KCTD19: variants seen among roughly 807,000 people sequenced by gnomAD.
KCTD19 encodes BTB/POZ domain-containing protein KCTD19.
KCTD19 carries 67 observed loss-of-function variants against 103.5 expected under a neutral mutation model. The ratio of observed to expected loss-of-function variants is 0.65; its 90% CI spans 0.53 to 0.79. The LOEUF is 0.79. KCTD19 is among the 30% of genes least tolerant of loss of function. KCTD19 has a pLI of 0.00. For missense variants in KCTD19, 980 were observed against 1,136.1 expected (o/e 0.86, Z 1.98); for synonymous variants, 439 against 452.2 (o/e 0.97, Z 0.37).
At chr16:67,291,015 G>A in intron 14 of KCTD19, 29 bp from the exon 15 acceptor site, 1 of 1,606,284 alleles carries the variant, frequency 6.2e-7, no homozygotes, top group African/African-American at 1.3e-5. Flanking sequence ...GTCAGGCAGT[G>A]CTAGGGCAGC....
Position 67,294,049 on chromosome 16 carries a change from G to A in KCTD19, c.1713C>T (p.Ile571=). The A allele has an allele frequency of 6.2e-7, 1 of 1,614,194 alleles. No homozygotes were observed. The highest frequency in any genetic ancestry group is 8.5e-7 in the Non-Finnish European group (1 of 1,180,040). The change falls in exon 12 of 16, where the codon ATC becomes ATT. Residue 571 remains isoleucine (I), a synonymous_variant. Transcript: ENST00000304372. The stretch of plus-strand genomic sequence containing the variant: ...TGGCATTTCGGCATAGGGACACCTG[G>A]ATGGGCCGAGTGTACTGCTCAGCCT... The part of the protein sequence containing the change: ...MDEAEQYTRP[I]QVSLCRNAKR...
chr16:67,315,612 G>GCTGGGATTA (rs1212297591), intron 2 of KCTD19, among the ~76,000 whole-genome samples: 1 of 152,290 alleles, frequency 6.6e-6, no homozygotes, highest in Admixed American at 6.5e-5. Flanking sequence ...CTCCCAAGTA[G>GCTGGGATTA]CTGGGATTAT....
rs1277841608 is a variant in KCTD19 at position 67,303,739 on chromosome 16, G to A, written c.452-402C>T. The stretch of plus-strand genomic sequence containing the variant: ...ATTTTTGTGTTTTCAGTAGAGACGG[G>A]GTTTCACCATGTTGTCAGGCTGGTC... On this transcript the variant is annotated intron_variant, in intron 3 of 15. Transcript: ENST00000304372. This position sits in a 1 kb window ranked among gnomAD's most constrained non-coding sequence, Gnocchi z 4.3. Among the ~76,000 whole-genome samples the A allele has an allele frequency of 6.6e-6, 1 of 151,962 alleles. No individual in the cohort carries two copies. Among genetic ancestry groups the A allele is most frequent in the Non-Finnish European group, 1.5e-5 (1 of 67,988 alleles).
At chr16:67,297,068 A>T (rs1054398078) in intron 7 of KCTD19, among the ~76,000 whole-genome samples, 4 of 152,254 alleles carry the variant, frequency 2.6e-5, no homozygotes, top group Non-Finnish European at 5.9e-5. Flanking sequence ...GGTGAAAACA[A>T]CATTAGCTTT....
At chr16:67,322,976 A>G (rs542102387) in intron 1 of KCTD19, among the ~76,000 whole-genome samples, 240 of 152,380 alleles carry the variant, frequency 1.6e-3, no homozygotes, top group Non-Finnish European at 3.0e-3. Context: ...CTTAGTCATC[A>G]GAGAAATGCA....
Position 67,293,472 on chromosome 16 carries a change from C to T in KCTD19, c.2218+72G>A. The T allele has an allele frequency of 6.5e-7, 1 of 1,530,140 alleles. No individual in the cohort carries two copies. The highest frequency in any genetic ancestry group is 1.3e-5 in the South Asian group (1 of 79,922). 94.8% of individuals were successfully genotyped at this position (1,530,140 alleles called of 1,614,324 possible). On this transcript the variant is annotated intron_variant, in intron 12 of 15. Coordinates refer to ENST00000304372, the MANE Select transcript of KCTD19 (RefSeq NM_001100915.3). The surrounding 1 kb of genome is among the most constrained non-coding windows in gnomAD (Gnocchi z 4.0). ...AGTCCTCCTTTGTCACTAACTTGCT[C>T]TGCCATCTTGGCCAAAGAGTTTGCC...
At chr16:67,295,539 G>A (rs2142503716) in intron 8 of KCTD19, 134 bp from the exon 9 acceptor site, 1 of 847,438 alleles carries the variant, frequency 1.2e-6, no homozygotes. Context: ...TGTCTTGTCA[G>A]TCACAAGGAA....
At chr16:67,302,342 A>G (rs2036843332) in intron 4 of KCTD19, 1 of 192,228 alleles carries the variant, frequency 5.2e-6, no homozygotes, top group Non-Finnish European at 1.1e-5. Context: ...GGACTGCAGT[A>G]TGGGAGGCAG....
intron 2 of KCTD19, among the ~76,000 whole-genome samples, chr16:67,318,534 T>C (rs1217676294): frequency 3.0e-5 from 4 of 132,524 alleles, no homozygotes; most frequent in Non-Finnish European, 1.5e-5. Flanking sequence ...CACTCCAGCC[T>C]GGGACAGAGC....
In KCTD19 at chr16:67,296,191, A is replaced by G; in HGVS notation, c.1216T>C (p.Trp406Arg). 6.2e-7 allele frequency: 1 copy of G among 1,613,542 alleles called. No individual in the cohort carries two copies. Among genetic ancestry groups the G allele is most frequent in the African/African-American group, 1.3e-5 (1 of 75,038 alleles). The part of the protein sequence containing the change: ...QIIKVYVGSH[W>R]YATTLQTLLK... Reference sequence around the variant, plus strand: ...AGTGTCTGCAGGGTGGTTGCGTACCAGTGGCTTCCAACATACACTTTGATG... The same window carrying G: ...AGTGTCTGCAGGGTGGTTGCGTACCGGTGGCTTCCAACATACACTTTGATG... Residue 406 changes from tryptophan to arginine, a missense_variant, in exon 8 of 16, where the codon TGG (tryptophan) becomes CGG (arginine). Trp to Arg is a moderately radical substitution (Grantham distance 101). Transcript: ENST00000304372.
rs142724580 is a variant in KCTD19, at chr16:67,313,141, C to T, written c.300+7448G>A. Among the ~76,000 whole-genome samples the T allele has an allele frequency of 6.3e-3, 949 of 151,710 alleles. 8 individuals are homozygous for T. The highest frequency in any genetic ancestry group is 0.021 in the African/African-American group (886 of 41,382). On this transcript the variant is annotated intron_variant, in intron 2 of 15. Coordinates refer to ENST00000304372, the MANE Select transcript of KCTD19 (RefSeq NM_001100915.3). ...TTTTTTTTTTTTGAGACAGAGTCTC[C>T]CTCAGTCGCCCAGGCTGGAGTGCAG...
Position 67,301,778 on chromosome 16 carries a change from C to T in KCTD19, c.775+13G>A. 6.2e-7 allele frequency: 1 copy of T among 1,613,066 alleles called. No homozygotes were observed. Among genetic ancestry groups the T allele is most frequent in the Non-Finnish European group, 8.5e-7 (1 of 1,179,394 alleles). ...GACTGTCGAGGGGGAGCCAAGGTTT[C>T]CTGGCGACATACCCATGTTCATCCG... On this transcript the variant is annotated intron_variant, in intron 5 of 15. Coordinates refer to ENST00000304372, the MANE Select transcript of KCTD19 (RefSeq NM_001100915.3).
intron 2 of KCTD19, 102 bp from the exon 3 acceptor site, chr16:67,304,673 T>A (rs1453895245): frequency 1.8e-6 from 2 of 1,101,428 alleles, no homozygotes; most frequent in East Asian, 2.4e-5. Context: ...CTTACTTTTT[T>A]TTTTTTTTGA....
rs1336692483 is a variant in KCTD19 at position 67,323,433 on chromosome 16, G to T, written c.4-2548C>A. 1.3e-5 allele frequency among the ~76,000 whole-genome samples: 2 copies of T among 152,188 alleles called. No individual in the cohort carries two copies. Among genetic ancestry groups the T allele is most frequent in the Non-Finnish European group, 1.5e-5 (1 of 68,028 alleles). ...AGCACTTTGGAAGGCTGAGGCAGGA[G>T]ATTCACTTGAGCCCAGGAGTTTGAG... On this transcript the variant is annotated intron_variant, in intron 1 of 15. Coordinates refer to ENST00000304372, the MANE Select transcript of KCTD19 (RefSeq NM_001100915.3). This position sits in a 1 kb window ranked among gnomAD's most constrained non-coding sequence, Gnocchi z 4.1.
At chr16:67,295,584 C>T (rs1242798803) in intron 8 of KCTD19, 179 bp from the exon 9 acceptor site, 1 of 576,228 alleles carries the variant, frequency 1.7e-6, no homozygotes, top group African/African-American at 1.9e-5. Context: ...GGGAGAAGCA[C>T]ATCATCCCTG....
chr16:67,306,184 A>C (rs912204229), intron 2 of KCTD19, among the ~76,000 whole-genome samples: 1 of 152,212 alleles, frequency 6.6e-6, no homozygotes. Flanking sequence ...AAGATATGAA[A>C]GACCACAATT....
At chr16:67,298,553 A>T (rs1418220943) in intron 6 of KCTD19, among the ~76,000 whole-genome samples, 3 of 152,076 alleles carry the variant, frequency 2.0e-5, no homozygotes, top group African/African-American at 7.2e-5. Context: ...CTGGGGTCTA[A>T]ACATCAACCC....
At chr16:67,295,478 A>G in intron 8 of KCTD19, 73 bp from the exon 9 acceptor site, 1 of 1,421,892 alleles carries the variant, frequency 7.0e-7, no homozygotes, top group East Asian at 2.3e-5. Context: ...ATCTTCTCTC[A>G]CTCCCCTTTT....
intron 2 of KCTD19, among the ~76,000 whole-genome samples, chr16:67,308,825 G>A (rs1197243644): frequency 4.6e-5 from 7 of 152,080 alleles, no homozygotes; most frequent in Non-Finnish European, 7.4e-5. Context: ...GCATGCATAT[G>A]AAAGAATGCA....
Sources: allele counts gnomAD v4.1 joint callset (sites outside exome capture counted in the v4.1 genomes callset), GRCh38; gene constraint gnomAD v4.1.1; non-coding constraint Gnocchi (gnomAD v3.1); transcripts MANE v1.5; gene names NCBI Gene and HGNC (gene_info 2026-07-23, HGNC 2026-07-21).